The following LRMDA variants were observed in gnomAD, a reference collection of about 807,000 sequenced individuals.
LRMDA encodes leucine-rich melanocyte differentiation-associated protein.
In LRMDA, 18 loss-of-function variants were observed where a neutral mutation model predicts 29.8. That is an observed-to-expected ratio of 0.60 (90% CI 0.42 to 0.90). The LOEUF (loss-of-function observed/expected upper bound fraction) is 0.90, where lower values mean the gene tolerates loss of function less well. Ranked by LOEUF, LRMDA falls within the 40% of genes least tolerant of loss-of-function variation. LRMDA has a pLI of 0.00. For missense variants in LRMDA, 273 were observed against 273.9 expected (o/e 1.00, Z 0.02); for synonymous variants, 125 against 109.4 (o/e 1.14, Z -0.89).
In LRMDA at chr10:76,063,015, A is replaced by G. The variant is rs539094144; in HGVS notation, c.516+4232A>G. 1.1e-4 allele frequency among the ~76,000 whole-genome samples: 17 copies of G among 152,320 alleles called. No homozygotes were observed. In the East Asian group the frequency reaches 3.1e-3, roughly 28 times the overall value. On this transcript the variant is annotated intron_variant, in intron 5 of 6. Coordinates refer to ENST00000611255, the MANE Select transcript of LRMDA (RefSeq NM_001305581.2). ...ATCCGACAGTCAGAATTGTTTAATT[A>G]TGTCCTGACTTTGTAATTATTCATC...
At chr10:76,357,412 CTA>C (rs1478195527) in intron 6 of LRMDA, among the ~76,000 whole-genome samples, 2 of 152,146 alleles carry the variant, frequency 1.3e-5, no homozygotes, top group Non-Finnish European at 2.9e-5. Flanking sequence ...ACTCACCAAA[CTA>C]TGTGTGTGGA....
chr10:75,712,829 G>T, intron 2 of LRMDA, among the ~76,000 whole-genome samples: 1 of 141,414 alleles, frequency 7.1e-6, no homozygotes, highest in Non-Finnish European at 1.5e-5. Context: ...TACATTCACT[G>T]ACACTCATTT....
intron 2 of LRMDA, among the ~76,000 whole-genome samples, chr10:75,503,007 C>T (rs1440146217): frequency 6.6e-6 from 1 of 152,194 alleles, no homozygotes; most frequent in Admixed American, 6.5e-5. Context: ...TGCTTCCCTT[C>T]TCACACTGAA....
intron 5 of LRMDA, among the ~76,000 whole-genome samples, chr10:76,286,442 AGTG>A (rs1161745493): frequency 6.6e-6 from 1 of 152,180 alleles, no homozygotes; most frequent in African/African-American, 2.4e-5. Flanking sequence ...GTGAAAGAAC[AGTG>A]GTTTTCAAAC....
At chr10:76,191,899 T>C (rs766175461) in intron 5 of LRMDA, among the ~76,000 whole-genome samples, 1 of 152,172 alleles carries the variant, frequency 6.6e-6, no homozygotes, top group Non-Finnish European at 1.5e-5. Context: ...CCAGGACATC[T>C]TCTGGGAGTG....
At chr10:76,035,976 G>A (rs201652011) in intron 2 of LRMDA, 32 bp from the exon 3 acceptor site, 1 of 1,610,694 alleles carries the variant, frequency 6.2e-7, no homozygotes, top group Non-Finnish European at 8.5e-7. Flanking sequence ...TTTAGTGCAG[G>A]ATCATTTTTC....
chr10:76,329,856 A>G (rs1406279060), intron 6 of LRMDA, among the ~76,000 whole-genome samples: 1 of 152,212 alleles, frequency 6.6e-6, no homozygotes, highest in Non-Finnish European at 1.5e-5. Context: ...TTTTTAAATT[A>G]TTTAAAACAT....
intron 5 of LRMDA, among the ~76,000 whole-genome samples, chr10:76,185,251 C>T (rs1454492162): frequency 6.6e-6 from 1 of 152,140 alleles, no homozygotes; most frequent in African/African-American, 2.4e-5. Context: ...CTAGAGTTCA[C>T]AAGGCTTCAT....
chr10:76,030,515 G>C (rs1223358472), intron 2 of LRMDA, among the ~76,000 whole-genome samples: 1 of 152,146 alleles, frequency 6.6e-6, no homozygotes, highest in Non-Finnish European at 1.5e-5. Context: ...AAAATGTATA[G>C]GTATAAAAAT....
chr10:75,650,002 T>TTCTG (rs59823913), intron 2 of LRMDA, among the ~76,000 whole-genome samples: 30,584 of 151,948 alleles, frequency 0.2, 7,637 homozygotes, highest in African/African-American at 0.59. Flanking sequence ...GCATTAGGAC[T>TTCTG]TCTATTTTGA....
At chr10:76,121,670 T>C (rs1321728233) in intron 5 of LRMDA, among the ~76,000 whole-genome samples, 1 of 152,200 alleles carries the variant, frequency 6.6e-6, no homozygotes, top group Non-Finnish European at 1.5e-5. Context: ...CCCAGTACGG[T>C]GAATTCCCCC....
intron 5 of LRMDA, among the ~76,000 whole-genome samples, chr10:76,214,699 A>C (rs1323665670): frequency 1.3e-5 from 2 of 152,174 alleles, no homozygotes; most frequent in Non-Finnish European, 2.9e-5. Flanking sequence ...TGATAACTAC[A>C]TTTCTGAAGA....
intron 5 of LRMDA, among the ~76,000 whole-genome samples, chr10:76,305,292 TTGGTACAAAAGACAGTAGA>T (rs1564717600): frequency 3.3e-5 from 5 of 152,126 alleles, no homozygotes; most frequent in Non-Finnish European, 7.4e-5. Context: ...TATCTTATAA[TTGGTACAAAAGACAGTAGA>T]TGGTAGAACG....
At chr10:75,924,696 G>C (rs1429687946) in intron 2 of LRMDA, among the ~76,000 whole-genome samples, 1 of 151,936 alleles carries the variant, frequency 6.6e-6, no homozygotes, top group Admixed American at 6.6e-5. Context: ...CAGCCGTGCT[G>C]AAAGAGGAAG....
intron 6 of LRMDA, among the ~76,000 whole-genome samples, chr10:76,455,728 G>A (rs1294277497): frequency 6.6e-6 from 1 of 152,174 alleles, no homozygotes; most frequent in East Asian, 1.9e-4. Flanking sequence ...CCATTGTCTG[G>A]CATAGATGTG....
chr10:76,260,742 G>A (rs900620204), intron 5 of LRMDA: 1 of 152,058 alleles, frequency 6.6e-6, no homozygotes, highest in African/African-American at 2.4e-5. Flanking sequence ...TCCAAGACTT[G>A]GAAAGTTTTC....
intron 5 of LRMDA, among the ~76,000 whole-genome samples, chr10:76,119,607 G>A (rs1323938908): frequency 6.6e-6 from 1 of 152,032 alleles, no homozygotes; most frequent in Admixed American, 6.5e-5. Context: ...CACTTTCTGG[G>A]GAAGTACATT....
chr10:76,390,828 T>C (rs763782686), intron 6 of LRMDA, among the ~76,000 whole-genome samples: 4 of 152,200 alleles, frequency 2.6e-5, no homozygotes, highest in African/African-American at 7.2e-5. Flanking sequence ...AGCAGTACCA[T>C]TTCTTGACAC....
At chr10:75,756,599 T>A (rs74147195) in intron 2 of LRMDA, among the ~76,000 whole-genome samples, 9,634 of 152,302 alleles carry the variant, frequency 0.063, 818 homozygotes, top group African/African-American at 0.19. Flanking sequence ...AAAGGTGCTC[T>A]CTTTTTGAGA....
Sources: allele counts gnomAD v4.1 joint callset (sites outside exome capture counted in the v4.1 genomes callset), GRCh38; gene constraint gnomAD v4.1.1; transcripts MANE v1.5; gene names NCBI Gene and HGNC (gene_info 2026-07-23, HGNC 2026-07-21).